MAGI1: variants seen among roughly 807,000 people sequenced by gnomAD.
MAGI1 encodes membrane-associated guanylate kinase, WW and PDZ domain-containing protein 1.
MAGI1 carries 58 observed loss-of-function variants against 139.9 expected under a neutral mutation model. The observed-to-expected ratio is 0.41, with a 90% CI of 0.34 to 0.52. The LOEUF (loss-of-function observed/expected upper bound fraction) is 0.52, where lower values mean the gene tolerates loss of function less well. Among genes scored for constraint, MAGI1 ranks in the 20% least tolerant of loss-of-function variants. The pLI is 0.12. For missense variants in MAGI1, 1,874 were observed against 1,901.6 expected (o/e 0.99, Z 0.27); for synonymous variants, 812 against 737.9 (o/e 1.10, Z -1.63).
intron 12 of MAGI1, among the ~76,000 whole-genome samples, chr3:65,402,779 G>T (rs890124411): frequency 6.6e-6 from 1 of 152,170 alleles, no homozygotes; most frequent in Non-Finnish European, 1.5e-5. Flanking sequence ...TGCCCACTGG[G>T]AGTGAGGCAT....
intron 5 of MAGI1, among the ~76,000 whole-genome samples, chr3:65,464,363 T>C (rs944857700): frequency 3.9e-5 from 6 of 152,172 alleles, no homozygotes; most frequent in South Asian, 2.1e-4. Context: ...TTTTCTCATA[T>C]ATATGTTTAG....
intron 1 of MAGI1, among the ~76,000 whole-genome samples, chr3:65,818,000 TA>T (rs1191894693): frequency 6.6e-6 from 1 of 152,132 alleles, no homozygotes; most frequent in Middle Eastern, 3.4e-3. Flanking sequence ...CCAAAAGACA[TA>T]ATGCATTAAC....
chr3:65,379,993 G>C (rs1942909440), intron 16 of MAGI1, among the ~76,000 whole-genome samples: 1 of 152,210 alleles, frequency 6.6e-6, no homozygotes, highest in Non-Finnish European at 1.5e-5. Context: ...TTACTTTCCA[G>C]TCACATTTCC....
intron 2 of MAGI1, among the ~76,000 whole-genome samples, chr3:65,556,822 T>C (rs2080105502): frequency 6.6e-6 from 1 of 152,210 alleles, no homozygotes; most frequent in Admixed American, 6.5e-5. Flanking sequence ...ATCCTTAATA[T>C]GACCTAAAAG....
intron 1 of MAGI1, among the ~76,000 whole-genome samples, chr3:65,645,967 G>A (rs1465923127): frequency 6.6e-6 from 1 of 151,194 alleles, no homozygotes; most frequent in African/African-American, 2.4e-5. Context: ...TCAACCCACA[G>A]GAAGAATAAA....
At chr3:65,609,218 A>C (rs529817251) in intron 2 of MAGI1, among the ~76,000 whole-genome samples, 2 of 152,032 alleles carry the variant, frequency 1.3e-5, no homozygotes, top group African/African-American at 4.8e-5. Context: ...TTACCAAACC[A>C]TGCAGTTAAG....
intron 4 of MAGI1, among the ~76,000 whole-genome samples, chr3:65,476,085 TATTTA>T (rs763653704): frequency 3.5e-4 from 54 of 152,180 alleles, no homozygotes; most frequent in Middle Eastern, 3.4e-3. Flanking sequence ...GGTGGATTCC[TATTTA>T]ATGTGGTTCA....
At chr3:65,446,647 C>T (rs1401719069) in intron 7 of MAGI1, among the ~76,000 whole-genome samples, 1 of 152,194 alleles carries the variant, frequency 6.6e-6, no homozygotes, top group African/African-American at 2.4e-5. Context: ...ATTGGCTGAA[C>T]AAATGATTAA....
At chr3:66,020,035 C>A (rs573546614) in intron 1 of MAGI1, among the ~76,000 whole-genome samples, 18 of 152,312 alleles carry the variant, frequency 1.2e-4, no homozygotes, top group African/African-American at 4.3e-4. Context: ...TTAGGGATTG[C>A]AGAACTAAGG....
intron 1 of MAGI1, among the ~76,000 whole-genome samples, chr3:65,970,131 G>C (rs1026412472): frequency 2.2e-4 from 34 of 152,272 alleles, no homozygotes; most frequent in African/African-American, 7.5e-4. Context: ...ATCGAGGTGT[G>C]CATACATGGC....
Position 65,363,580 on chromosome 3 carries a change from T to C in MAGI1, c.3380A>G (p.Glu1127Gly). 6.2e-7 allele frequency: 1 copy of C among 1,613,978 alleles called. No individual in the cohort carries two copies. The highest frequency in any genetic ancestry group is 1.1e-5 in the South Asian group (1 of 91,062). The change falls in exon 21 of 23, where the codon GAA becomes GGA. Residue 1127 changes from glutamate to glycine, a missense_variant. Coordinates refer to ENST00000402939, the MANE Select transcript of MAGI1 (RefSeq NM_001033057.2). ...AAAGCCAAATCCCTTGGCTCCTCTT[T>C]CCAGTTCCACAGTGTAAAAATCTTG... The part of the protein sequence containing the change: ...QEQDFYTVEL[E>G]RGAKGFGFSL...
intron 2 of MAGI1, among the ~76,000 whole-genome samples, chr3:65,579,258 G>C (rs1224162917): frequency 6.6e-6 from 1 of 152,136 alleles, no homozygotes; most frequent in Non-Finnish European, 1.5e-5. Flanking sequence ...CCCAGGTCAT[G>C]ATGGCAGCAG....
In MAGI1 at chr3:65,979,726, G is replaced by A. The variant is rs142219194; in HGVS notation, c.313+58270C>T. Among the ~76,000 whole-genome samples the A allele has an allele frequency of 2.0e-4, 30 of 152,256 alleles. No homozygotes were observed. The East Asian group carries it at 5.8e-3, about 29-fold the overall frequency. On this transcript the variant is annotated intron_variant, in intron 1 of 22. Transcript: ENST00000402939. Reference sequence around the variant, plus strand: ...TAAACTTGATGGCTTGCAATCCAAAGGGTGCTCATAAAGGAAAAGCTTAGG... The same window carrying A: ...TAAACTTGATGGCTTGCAATCCAAAAGGTGCTCATAAAGGAAAAGCTTAGG...
At chr3:65,889,563 AG>A (rs1168574885) in intron 1 of MAGI1, among the ~76,000 whole-genome samples, 1 of 152,226 alleles carries the variant, frequency 6.6e-6, no homozygotes. Flanking sequence ...TCTGTGAGGC[AG>A]GGGAGAAATA....
chr3:65,687,942 A>G (rs2088204874), intron 1 of MAGI1: 1 of 708,450 alleles, frequency 1.4e-6, no homozygotes, highest in South Asian at 1.3e-5. Flanking sequence ...GTTCAAGGAA[A>G]ATGGCTCTCA....
rs181195176 is a variant in MAGI1 at position 65,373,210 on chromosome 3, T to C, written c.3196+2535A>G. On this transcript the variant is annotated intron_variant, in intron 18 of 22. Transcript: ENST00000402939. ...CTTTCATATGAAGAGTTAGAGGCCA[T>C]TGTAAGGTTATTTATTGTCCTAATT... 3.1e-3 allele frequency among the ~76,000 whole-genome samples: 472 copies of C among 152,274 alleles called. 4 individuals carry two copies. Among genetic ancestry groups the C allele is most frequent in the African/African-American group, 0.011 (453 of 41,552 alleles).
At chr3:65,926,835 A>C (rs1322610969) in intron 1 of MAGI1, among the ~76,000 whole-genome samples, 2 of 152,128 alleles carry the variant, frequency 1.3e-5, no homozygotes, top group African/African-American at 4.8e-5. Context: ...ATCTCTACTA[A>C]AAGTACAAAA....
intron 1 of MAGI1, among the ~76,000 whole-genome samples, chr3:66,006,747 G>C (rs1413776643): frequency 6.6e-6 from 1 of 152,064 alleles, no homozygotes; most frequent in East Asian, 1.9e-4. Flanking sequence ...GGGATTATGA[G>C]TTTTAAATTT....
At chr3:65,748,465 C>A (rs906328322) in intron 1 of MAGI1, among the ~76,000 whole-genome samples, 8 of 152,134 alleles carry the variant, frequency 5.3e-5, no homozygotes, top group Non-Finnish European at 1.0e-4. Flanking sequence ...TAAAACTGAG[C>A]AGGAACCCCC....
Sources: allele counts gnomAD v4.1 joint callset (sites outside exome capture counted in the v4.1 genomes callset), GRCh38; gene constraint gnomAD v4.1.1; transcripts MANE v1.5; gene names NCBI Gene and HGNC (gene_info 2026-07-23, HGNC 2026-07-21).